The following SPAG9 variants were observed in gnomAD, a reference collection of about 807,000 sequenced individuals.
SPAG9 encodes sperm associated antigen 9.
Under a neutral mutation model 166.5 loss-of-function variants are expected in SPAG9, and 35 were observed. The observed-to-expected ratio is 0.21, with a 90% confidence interval of 0.16 to 0.28. The LOEUF is 0.28. SPAG9 is among the 10% of genes least tolerant of loss of function. SPAG9 has a pLI of 1.00. For missense variants in SPAG9, 1,235 were observed against 1,603.3 expected, an observed-to-expected ratio of 0.77 and a Z score of 3.92; for synonymous variants, 534 against 565.5, an observed-to-expected ratio of 0.94 and a Z score of 0.79.
intron 7 of SPAG9, among the ~76,000 whole-genome samples, chr17:51,020,485 G>C (rs1439063255): frequency 6.6e-6 from 1 of 152,102 alleles, no homozygotes; most frequent in Non-Finnish European, 1.5e-5. Context: ...GTGTTTCGTG[G>C]AACACACAGT....
intron 1 of SPAG9, among the ~76,000 whole-genome samples, chr17:51,102,149 A>C (rs2048824118): frequency 1.3e-5 from 2 of 151,896 alleles, no homozygotes; most frequent in South Asian, 4.2e-4. Flanking sequence ...TTGGGAGGCC[A>C]AGGTGGGCGA....
intron 20 of SPAG9, chr17:50,990,214 C>A: frequency 1.9e-6 from 1 of 529,320 alleles, no homozygotes; most frequent in Non-Finnish European, 3.4e-6. Context: ...CTTTTTAGTA[C>A]AGACAGGGTT....
chr17:51,118,168 C>G (rs193034912), intron 1 of SPAG9, among the ~76,000 whole-genome samples: 17 of 150,920 alleles, frequency 1.1e-4, no homozygotes, highest in African/African-American at 3.6e-4. Flanking sequence ...AAACTGATAA[C>G]AAGGTGTGTT....
intron 4 of SPAG9, chr17:51,046,740 C>A: frequency 6.5e-7 from 1 of 1,535,650 alleles, no homozygotes; most frequent in South Asian, 1.2e-5. Context: ...TAGTGAGGAT[C>A]TGTCATTCAG....
At chr17:51,010,839 A>G (rs1291995371) in intron 9 of SPAG9, among the ~76,000 whole-genome samples, 1 of 152,128 alleles carries the variant, frequency 6.6e-6, no homozygotes, top group Admixed American at 6.5e-5. Flanking sequence ...CAATTAGGAA[A>G]TAATAGTCTT....
At chr17:51,001,577 T>C in intron 13 of SPAG9, 138 bp downstream of exon 13, 1 of 753,642 alleles carries the variant, frequency 1.3e-6, no homozygotes, top group Non-Finnish European at 2.0e-6. Flanking sequence ...TAATTCTGAG[T>C]GTTACTTTAA....
At chr17:51,002,189 A>T (rs1283375231) in intron 12 of SPAG9, among the ~76,000 whole-genome samples, 1 of 151,768 alleles carries the variant, frequency 6.6e-6, no homozygotes, top group Non-Finnish European at 1.5e-5. Flanking sequence ...CTAATTTTTA[A>T]ATTTTTTTGT....
At chr17:51,005,383 G>A (rs772001141) in intron 11 of SPAG9, 120 bp from the exon 12 acceptor site, 20 of 905,098 alleles carry the variant, frequency 2.2e-5, no homozygotes, top group Non-Finnish European at 3.4e-5. Context: ...TTCCCAAACA[G>A]GGTATTTAGC....
intron 29 of SPAG9, among the ~76,000 whole-genome samples, chr17:50,969,210 C>T (rs927652050): frequency 6.6e-6 from 1 of 152,096 alleles, no homozygotes; most frequent in African/African-American, 2.4e-5. Flanking sequence ...TGCTGACAGC[C>T]CCCAAATCCC....
chr17:51,029,525 C>G (rs762771631), intron 6 of SPAG9, among the ~76,000 whole-genome samples: 1 of 152,042 alleles, frequency 6.6e-6, no homozygotes, highest in Non-Finnish European at 1.5e-5. Flanking sequence ...TGTCCATTAA[C>G]AAATAAATAA....
intron 2 of SPAG9, among the ~76,000 whole-genome samples, chr17:51,064,063 C>A (rs1248363009): frequency 6.6e-6 from 1 of 152,166 alleles, no homozygotes; most frequent in Non-Finnish European, 1.5e-5. Context: ...CCTCTCCACT[C>A]CAGTAGAGGA....
At chr17:51,119,102 C>A (rs1034675618) in intron 1 of SPAG9, among the ~76,000 whole-genome samples, 4 of 150,274 alleles carry the variant, frequency 2.7e-5, no homozygotes. Flanking sequence ...AAAATTGGAT[C>A]CCACAATCAG....
At chr17:51,088,547 A>G (rs1434800765) in intron 1 of SPAG9, among the ~76,000 whole-genome samples, 2 of 152,188 alleles carry the variant, frequency 1.3e-5, no homozygotes, top group Non-Finnish European at 2.9e-5. Flanking sequence ...CTGTAATCTC[A>G]GTACTTTGGG....
At chr17:51,114,430 G>A (rs1434488449) in intron 1 of SPAG9, among the ~76,000 whole-genome samples, 2 of 152,074 alleles carry the variant, frequency 1.3e-5, no homozygotes, top group African/African-American at 4.8e-5. Context: ...AGGAGTTCAA[G>A]ACCAGCCTGG....
At position 51,120,739 on chromosome 17, in the gene SPAG9, G is replaced by T; in HGVS notation, c.-83C>A. The T allele has an allele frequency of 7.9e-7, 1 of 1,265,270 alleles. No individual in the cohort carries two copies. The highest frequency in any genetic ancestry group is 1.1e-6 in the Non-Finnish European group (1 of 929,872). 78.4% of individuals were successfully genotyped at this position (1,265,270 alleles called of 1,614,324 possible). Reference sequence around the variant, plus strand: ...CCCGCACGGGACGGACCCGACTCGGGCTGGGACGGGTACTAGGGCTGGAGC... The same window carrying T: ...CCCGCACGGGACGGACCCGACTCGGTCTGGGACGGGTACTAGGGCTGGAGC... On this transcript the variant is annotated 5_prime_UTR_variant, in exon 1 of 30. Coordinates refer to ENST00000262013, the MANE Select transcript of SPAG9 (RefSeq NM_001130528.3). The surrounding 1 kb of genome is among the most constrained non-coding windows in gnomAD (Gnocchi z 4.7).
At position 51,120,135 on chromosome 17, in the gene SPAG9, C is replaced by A. The variant is rs1439357945; in HGVS notation, c.303+219G>T. Among the ~76,000 whole-genome samples the A allele has an allele frequency of 1.3e-5, 2 of 152,242 alleles. No homozygotes were observed. Among genetic ancestry groups the A allele is most frequent in the Non-Finnish European group, 2.9e-5 (2 of 68,038 alleles). On this transcript the variant is annotated intron_variant, in intron 1 of 29. Coordinates refer to ENST00000262013, the MANE Select transcript of SPAG9 (RefSeq NM_001130528.3). The surrounding 1 kb of genome is among the most constrained non-coding windows in gnomAD (Gnocchi z 4.7). The stretch of plus-strand genomic sequence containing the variant: ...TCCCCGGGCCCTGCCTCCTCCATCT[C>A]GCTCCCTTCCCAGGACACTCAGTAG...
At chr17:51,098,875 G>A (rs2048718700) in intron 1 of SPAG9, among the ~76,000 whole-genome samples, 1 of 151,710 alleles carries the variant, frequency 6.6e-6, no homozygotes, top group African/African-American at 2.4e-5. Flanking sequence ...GCCAAGGCGG[G>A]CGGATCACAA....
intron 6 of SPAG9, among the ~76,000 whole-genome samples, chr17:51,030,443 C>T (rs2046341207): frequency 6.6e-6 from 1 of 152,150 alleles, no homozygotes; most frequent in Admixed American, 6.5e-5. Context: ...CACATAGGAT[C>T]CCTCACTATT....
At chr17:50,975,900 G>A (rs1974170073) in intron 27 of SPAG9, 14 of 1,535,112 alleles carry the variant, frequency 9.1e-6, no homozygotes, top group South Asian at 1.2e-5. Flanking sequence ...GGAGGATTAC[G>A]GCTAAAGTGA....
Sources: allele counts gnomAD v4.1 joint callset (sites outside exome capture counted in the v4.1 genomes callset), GRCh38; gene constraint gnomAD v4.1.1; non-coding constraint Gnocchi (gnomAD v3.1); transcripts MANE v1.5; gene names NCBI Gene and HGNC (gene_info 2026-07-23, HGNC 2026-07-21).